LIMA1: variants seen among roughly 807,000 people sequenced by gnomAD.
LIMA1 encodes the protein LIM domain and actin binding 1.
LIMA1 carries 52 observed loss-of-function variants against 62.6 expected under a neutral mutation model. The observed-to-expected ratio is 0.83, with a 90% CI of 0.67 to 1.05. LIMA1 has a LOEUF of 1.05. Ranked by LOEUF, LIMA1 falls within the 50% of genes least tolerant of loss-of-function variation. LIMA1 has a pLI of 0.00. For synonymous variants in LIMA1, 302 were observed against 317.8 expected (o/e 0.95, Z 0.53); for missense variants, 780 against 902.2 (o/e 0.86, Z 1.74).
At chr12:50,178,189 T>C in intron 10 of LIMA1, 120 bp from the exon 11 acceptor site, 4 of 727,186 alleles carry the variant, frequency 5.5e-6, no homozygotes, top group Non-Finnish European at 8.2e-6. Context: ...AAAAGATCTT[T>C]AAAAGCCCTT....
chr12:50,238,153 A>T (rs1404647413), intron 2 of LIMA1, among the ~76,000 whole-genome samples: 1 of 151,756 alleles, frequency 6.6e-6, no homozygotes, highest in East Asian at 1.9e-4. Flanking sequence ...GCCTTATTGG[A>T]ATACAACACC....
rs766535181 is a variant in LIMA1, at chr12:50,193,572, T to TATATATACACATATATG, written c.1031-1012_1031-1011insCATATATGTGTATATAT. ...ATATATATCATATATGTATATATGA[T>TATATATACACATATATG]ATATATATACATGTATATATGATAT... is the stretch of plus-strand genomic sequence containing the variant. On this transcript the variant is annotated intron_variant, in intron 8 of 10. Coordinates refer to ENST00000341247, the MANE Select transcript of LIMA1 (RefSeq NM_016357.5). Among the ~76,000 whole-genome samples the TATATATACACATATATG allele has an allele frequency of 7.5e-3, 488 of 65,168 alleles. 7 individuals carry two copies. Among genetic ancestry groups the TATATATACACATATATG allele is most frequent in the African/African-American group, 0.03 (464 of 15,448 alleles). 42.8% of individuals were successfully genotyped at this position (65,168 alleles called of 152,430 possible). A position where few individuals can be genotyped will look rare whatever the true frequency, so the allele number is the denominator to read the frequency against.
chr12:50,256,357 C>T (rs535881410), intron 1 of LIMA1: 1 of 152,082 alleles, frequency 6.6e-6, no homozygotes, highest in Admixed American at 6.6e-5. Context: ...ACCTTTTATT[C>T]TGAAACAATT....
chr12:50,259,429 G>A (rs538227232), intron 1 of LIMA1, among the ~76,000 whole-genome samples: 3 of 152,050 alleles, frequency 2.0e-5, no homozygotes, highest in South Asian at 2.1e-4. Flanking sequence ...CTATAAATAC[G>A]CCTTCCATAA....
At position 50,192,537 on chromosome 12, in the gene LIMA1, A is replaced by G. The variant is rs747343015; in HGVS notation, c.1055T>C (p.Val352Ala). The change falls in exon 9 of 11, where the codon GTT becomes GCT. Residue 352 changes from valine (V) to alanine (A), a missense_variant. Coordinates refer to ENST00000341247, the MANE Select transcript of LIMA1 (RefSeq NM_016357.5). ...DSRDSQVKSE[V>A]QQPVHPKPLS... ...TGGCTTGGGATGGACAGGCTGTTGA[A>G]CCTCACTCTTAACCTGGGAGTCACC... 2 of 1,613,764 alleles carry G rather than the reference A, an allele frequency of 1.2e-6. No homozygotes were observed. The highest frequency in any genetic ancestry group is 2.7e-5 in the African/African-American group (2 of 74,930).
At chr12:50,257,367 G>C (rs1349989169) in intron 1 of LIMA1, among the ~76,000 whole-genome samples, 3 of 152,262 alleles carry the variant, frequency 2.0e-5, no homozygotes, top group African/African-American at 7.2e-5. Context: ...TGAGGGTCGT[G>C]ATCAACTCAG....
At chr12:50,234,209 A>AC in intron 2 of LIMA1, 1 of 401,612 alleles carries the variant, frequency 2.5e-6, no homozygotes, top group East Asian at 8.3e-5. Context: ...ACCCAGAACA[A>AC]CCTTTTTTTT....
intron 2 of LIMA1, among the ~76,000 whole-genome samples, chr12:50,233,653 A>G (rs1416367456): frequency 6.6e-6 from 1 of 152,150 alleles, no homozygotes; most frequent in East Asian, 1.9e-4. Flanking sequence ...CCTCTCAAGT[A>G]GCTAAGATTA....
intron 2 of LIMA1, among the ~76,000 whole-genome samples, chr12:50,238,820 A>G (rs569916476): frequency 6.6e-6 from 1 of 152,064 alleles, no homozygotes; most frequent in Non-Finnish European, 1.5e-5. Context: ...ACTGCACTCC[A>G]GCCTGGGCGA....
At chr12:50,211,912 A>C (rs1052329007) in intron 4 of LIMA1, among the ~76,000 whole-genome samples, 2 of 152,180 alleles carry the variant, frequency 1.3e-5, no homozygotes, top group Non-Finnish European at 2.9e-5. Flanking sequence ...TCTAATGTCA[A>C]GGAAAGAGAA....
At chr12:50,243,213 T>G (rs1207528897) in intron 2 of LIMA1, among the ~76,000 whole-genome samples, 1 of 152,176 alleles carries the variant, frequency 6.6e-6, no homozygotes, top group African/African-American at 2.4e-5. Flanking sequence ...AAACACAAAA[T>G]GCACTGTTAA....
Position 50,190,764 on chromosome 12 carries a change from C to T in LIMA1, c.1140+1688G>A, listed in dbSNP as rs528273722. On this transcript the variant is annotated intron_variant, in intron 9 of 10. Transcript: ENST00000341247. ...CCCCATTCCAGTGGACACATTCTTTCGTTAAAAATGTTAATGACATTGTTG... is the reference window on the plus strand; with the variant it reads ...CCCCATTCCAGTGGACACATTCTTTTGTTAAAAATGTTAATGACATTGTTG... Among the ~76,000 whole-genome samples the T allele has an allele frequency of 5.1e-4, 63 of 124,038 alleles. 1 individual carries two copies. Among genetic ancestry groups the T allele is most frequent in the African/African-American group, 1.8e-3 (58 of 32,050 alleles). 81.4% of individuals were successfully genotyped at this position (124,038 alleles called of 152,430 possible).
At chr12:50,205,660 T>C (rs1456824850) in intron 5 of LIMA1, among the ~76,000 whole-genome samples, 1 of 152,058 alleles carries the variant, frequency 6.6e-6, no homozygotes, top group Admixed American at 6.6e-5. Context: ...ACTTTACTTA[T>C]AGCTCCTCAA....
intron 6 of LIMA1, chr12:50,202,001 G>C (rs1941061249): frequency 6.6e-6 from 1 of 152,198 alleles, no homozygotes; most frequent in East Asian, 1.9e-4. Flanking sequence ...GTACTTTTCT[G>C]TTCTCTGTGA....
At chr12:50,245,608 G>T (rs1250004356) in intron 2 of LIMA1, among the ~76,000 whole-genome samples, 56 of 150,196 alleles carry the variant, frequency 3.7e-4, no homozygotes, top group African/African-American at 1.2e-3. Context: ...TTCTTTTTTG[G>T]TTGTCACAAT....
At chr12:50,269,339 G>T (rs1462360928) in intron 1 of LIMA1, among the ~76,000 whole-genome samples, 1 of 152,112 alleles carries the variant, frequency 6.6e-6, no homozygotes, top group African/African-American at 2.4e-5. Flanking sequence ...AGAAACTGAG[G>T]CCCAAAGAAG....
intron 1 of LIMA1, among the ~76,000 whole-genome samples, chr12:50,269,922 TAAAAAAA>T (rs1172694068): frequency 4.6e-4 from 44 of 94,736 alleles, no homozygotes; most frequent in African/African-American, 1.1e-3. Flanking sequence ...CTCCGTCAAA[TAAAAAAA>T]AAAAAAAAAA....
At chr12:50,194,520 A>C (rs557152425) in intron 8 of LIMA1, among the ~76,000 whole-genome samples, 31 of 151,092 alleles carry the variant, frequency 2.1e-4, no homozygotes, top group Non-Finnish European at 2.1e-4. Context: ...CTGGTCTTGA[A>C]TTCCTGACCT....
chr12:50,260,762 T>C (rs1056376372), intron 1 of LIMA1, among the ~76,000 whole-genome samples: 1 of 152,022 alleles, frequency 6.6e-6, no homozygotes, highest in Non-Finnish European at 1.5e-5. Flanking sequence ...TACCATTACC[T>C]ACCCTAGCTA....
Sources: gnomAD v4.1 joint callset for allele counts (sites outside exome capture counted in the v4.1 genomes callset) on GRCh38, gnomAD v4.1.1 for gene constraint, MANE v1.5 for transcripts, NCBI Gene and HGNC (gene_info 2026-07-23, HGNC 2026-07-21) for gene names.